MAP2K5: variants seen among roughly 807,000 people sequenced by gnomAD.
MAP2K5 encodes the protein mitogen-activated protein kinase kinase 5.
In MAP2K5, 49 loss-of-function variants were observed where a neutral mutation model predicts 83.1. The ratio of observed to expected loss-of-function variants is 0.59; its 90% CI spans 0.47 to 0.75. MAP2K5 has a LOEUF of 0.75. Ranked by LOEUF, MAP2K5 falls within the 30% of genes least tolerant of loss-of-function variation. The probability of loss-of-function intolerance (pLI) is 0.00; values close to 1 mark genes in which losing one functional copy is unlikely to be tolerated. For synonymous variants in MAP2K5, 202 were observed against 191.8 expected, an observed-to-expected ratio of 1.05 and a Z score of -0.44; for missense variants, 457 against 557.5, an observed-to-expected ratio of 0.82 and a Z score of 1.82.
intron 9 of MAP2K5, among the ~76,000 whole-genome samples, chr15:67,634,549 T>C (rs2141096386): frequency 6.6e-6 from 1 of 152,234 alleles, no homozygotes; most frequent in African/African-American, 2.4e-5. Flanking sequence ...GTTGAAATAC[T>C]CAACAATAAT....
chr15:67,596,320 A>C (rs905324661), intron 7 of MAP2K5, among the ~76,000 whole-genome samples: 51 of 152,312 alleles, frequency 3.3e-4, no homozygotes, highest in Admixed American at 2.9e-3. Context: ...TGGCTGAGGC[A>C]TAAGAATAGC....
rs549256429 is a variant in MAP2K5 at position 67,555,398 on chromosome 15, G to A, written c.184+5316G>A. Among the ~76,000 whole-genome samples, 34 of 152,216 alleles carry A rather than the reference G, an allele frequency of 2.2e-4. No homozygotes were observed. The East Asian group carries it at 6.4e-3, about 28-fold the overall frequency. On this transcript the variant is annotated intron_variant, in intron 2 of 21. Transcript: ENST00000178640. The surrounding 1 kb of genome is among the most constrained non-coding windows in gnomAD (Gnocchi z 5.2). ...TCATTCATGGGGGATCCACCCCCAC[G>A]ACAAAAACACCTCCTTCCAGGCCCC...
At chr15:67,715,070 G>C (rs1450898842) in intron 16 of MAP2K5, among the ~76,000 whole-genome samples, 2 of 152,210 alleles carry the variant, frequency 1.3e-5, no homozygotes, top group African/African-American at 4.8e-5. Flanking sequence ...TTATAGGAAA[G>C]TGGGGAGGAT....
At chr15:67,605,813 G>A (rs1458176704) in intron 8 of MAP2K5, among the ~76,000 whole-genome samples, 1 of 152,150 alleles carries the variant, frequency 6.6e-6, no homozygotes, top group Non-Finnish European at 1.5e-5. Context: ...ATGAGAATGA[G>A]GCAAGTGGAG....
intron 13 of MAP2K5, among the ~76,000 whole-genome samples, chr15:67,673,875 G>T (rs1789975144): frequency 6.6e-6 from 1 of 152,042 alleles, no homozygotes; most frequent in African/African-American, 2.4e-5. Context: ...TTGAAACAGA[G>T]TCTCACTCTG....
chr15:67,666,716 T>C (rs1301158870), intron 13 of MAP2K5, among the ~76,000 whole-genome samples: 1 of 152,180 alleles, frequency 6.6e-6, no homozygotes, highest in Non-Finnish European at 1.5e-5. Flanking sequence ...CAGTTGGTGC[T>C]GGCCAGCCCA....
intron 19 of MAP2K5, among the ~76,000 whole-genome samples, chr15:67,765,994 C>T (rs1046458498): frequency 3.3e-5 from 5 of 152,198 alleles, no homozygotes; most frequent in Admixed American, 2.0e-4. Flanking sequence ...ATCACTCAAA[C>T]TTTTTCCTAT....
Position 67,770,469 on chromosome 15 carries a change from G to A in MAP2K5, c.1196+806G>A, listed in dbSNP as rs1217115409. 6.6e-6 allele frequency among the ~76,000 whole-genome samples: 1 copy of A among 152,164 alleles called. No homozygotes were observed. ...CAGAGAATTACCTAGGAGAGAGGAG[G>A]AATTCAGGAACATAGGAATCATTGT... On this transcript the variant is annotated intron_variant, in intron 20 of 21. Transcript: ENST00000178640. The surrounding 1 kb of genome is among the most constrained non-coding windows in gnomAD (Gnocchi z 5.0).
In MAP2K5 at chr15:67,747,746, A is replaced by C. The variant is rs1226444194; in HGVS notation, c.1075-485A>C. 1.3e-5 allele frequency among the ~76,000 whole-genome samples: 2 copies of C among 152,242 alleles called. No individual in the cohort carries two copies. Among genetic ancestry groups the C allele is most frequent in the East Asian group, 3.8e-4 (2 of 5,200 alleles). ...AGTTAGGTGCAAATACTTCAACTAC[A>C]TAATTAAAGTTTTCCTCACAAAATA... On this transcript the variant is annotated intron_variant, in intron 17 of 21. Coordinates refer to ENST00000178640, the MANE Select transcript of MAP2K5 (RefSeq NM_145160.3). This position sits in a 1 kb window ranked among gnomAD's most constrained non-coding sequence, Gnocchi z 4.1.
chr15:67,622,231 T>C (rs78006582), intron 8 of MAP2K5, among the ~76,000 whole-genome samples: 55 of 150,074 alleles, frequency 3.7e-4, no homozygotes, highest in African/African-American at 1.3e-3. Flanking sequence ...AAAGAAACAA[T>C]ATAGGACCTG....
At chr15:67,595,759 G>A (rs960869987) in intron 7 of MAP2K5, among the ~76,000 whole-genome samples, 5 of 151,968 alleles carry the variant, frequency 3.3e-5, no homozygotes, top group Admixed American at 6.6e-5. Flanking sequence ...GATATTTTTG[G>A]CAAGTTTTAT....
At chr15:67,602,594 C>G (rs189877149) in intron 8 of MAP2K5, among the ~76,000 whole-genome samples, 3 of 152,158 alleles carry the variant, frequency 2.0e-5, no homozygotes, top group Non-Finnish European at 4.4e-5. Context: ...AGAATTTTTA[C>G]GAGACATAAT....
At position 67,768,151 on chromosome 15, in the gene MAP2K5, T is replaced by C. The variant is rs921937084; in HGVS notation, c.1135-1451T>C. Among the ~76,000 whole-genome samples the C allele has an allele frequency of 1.3e-5, 2 of 152,190 alleles. No homozygotes were observed. Among genetic ancestry groups the C allele is most frequent in the African/African-American group, 4.8e-5 (2 of 41,442 alleles). On this transcript the variant is annotated intron_variant, in intron 19 of 21. Coordinates refer to ENST00000178640, the MANE Select transcript of MAP2K5 (RefSeq NM_145160.3). The surrounding 1 kb of genome is among the most constrained non-coding windows in gnomAD (Gnocchi z 4.0). The stretch of plus-strand genomic sequence containing the variant: ...AATTGTATTTTCCAGCACTTTCCAA[T>C]TGTTTGAATTGGAAACAAAGCCTTA...
chr15:67,654,872 C>A (rs1034254092), intron 11 of MAP2K5, among the ~76,000 whole-genome samples: 1 of 151,888 alleles, frequency 6.6e-6, no homozygotes, highest in African/African-American at 2.4e-5. Context: ...ATTAGCCTGG[C>A]CGAGTTGGTG....
chr15:67,641,514 T>C, intron 9 of MAP2K5: 1 of 1,000,114 alleles, frequency 1.0e-6, no homozygotes, highest in Non-Finnish European at 1.2e-6. Context: ...GCCGTATTTA[T>C]ACTGTATATT....
rs1237234150 is a variant in MAP2K5, at chr15:67,777,212, C to T, written c.1242+4460C>T. Among the ~76,000 whole-genome samples the T allele has an allele frequency of 6.6e-6, 1 of 152,118 alleles. No homozygotes were observed. The highest frequency in any genetic ancestry group is 1.5e-5 in the Non-Finnish European group (1 of 68,000). ...TTCAGCAGGGCTTTGCACCAGCTGTCAGGCAGCCCTTTAACTTCCCTGCCT... is the reference window on the plus strand; with the variant it reads ...TTCAGCAGGGCTTTGCACCAGCTGTTAGGCAGCCCTTTAACTTCCCTGCCT... On this transcript the variant is annotated intron_variant, in intron 21 of 21. Coordinates refer to ENST00000178640, the MANE Select transcript of MAP2K5 (RefSeq NM_145160.3). This position sits in a 1 kb window ranked among gnomAD's most constrained non-coding sequence, Gnocchi z 6.0.
intron 15 of MAP2K5, among the ~76,000 whole-genome samples, chr15:67,700,539 T>C (rs1170816997): frequency 6.6e-6 from 1 of 152,204 alleles, no homozygotes; most frequent in East Asian, 1.9e-4. Flanking sequence ...TGTTTTGTTT[T>C]GTTTTTCAGG....
At chr15:67,588,473 C>T (rs2141006395) in intron 6 of MAP2K5, among the ~76,000 whole-genome samples, 1 of 152,298 alleles carries the variant, frequency 6.6e-6, no homozygotes. Context: ...GTAGTGAGCA[C>T]ATTGTATTAT....
chr15:67,725,775 G>A (rs2141245758), intron 16 of MAP2K5, among the ~76,000 whole-genome samples: 1 of 152,274 alleles, frequency 6.6e-6, no homozygotes, highest in Middle Eastern at 3.4e-3. Flanking sequence ...TGTTGCAAAT[G>A]CCTAGTTCAC....
Sources: gnomAD v4.1 joint callset for allele counts (sites outside exome capture counted in the v4.1 genomes callset) on GRCh38, gnomAD v4.1.1 for gene constraint, Gnocchi (gnomAD v3.1) non-coding constraint, MANE v1.5 for transcripts, NCBI Gene and HGNC (gene_info 2026-07-23, HGNC 2026-07-21) for gene names.